CENPN: variants seen among roughly 807,000 people sequenced by gnomAD.
CENPN encodes the protein centromere protein N.
In CENPN, 36 loss-of-function variants were observed where a neutral mutation model predicts 48.6. The observed-to-expected ratio is 0.74, with a 90% CI of 0.57 to 0.98. The LOEUF (loss-of-function observed/expected upper bound fraction) is 0.98, where lower values mean the gene tolerates loss of function less well. Ranked by LOEUF, CENPN falls within the 50% of genes least tolerant of loss-of-function variation. The pLI, the probability that CENPN is intolerant of heterozygous loss-of-function variation, is 0.00. For missense variants in CENPN, 439 were observed against 399.2 expected (o/e 1.10, Z -0.85); for synonymous variants, 166 against 135.2 (o/e 1.23, Z -1.58).
chr16:81,018,632 C>T (rs1345786159), intron 5 of CENPN, among the ~76,000 whole-genome samples: 1 of 152,112 alleles, frequency 6.6e-6, no homozygotes, highest in Non-Finnish European at 1.5e-5. Context: ...CAGAATAAGA[C>T]AATCTTCCAT....
At chr16:81,011,342 T>C (rs12448368) in intron 1 of CENPN, among the ~76,000 whole-genome samples, 17,274 of 152,174 alleles carry the variant, frequency 0.11, 1,071 homozygotes, top group East Asian at 0.2. Flanking sequence ...ACTTTTAACA[T>C]AGTTTGTGAT....
At chr16:81,026,679 T>C (rs772208933) in intron 9 of CENPN, 41 bp downstream of exon 9, 1 of 1,018,420 alleles carries the variant, frequency 9.8e-7, no homozygotes, top group Non-Finnish European at 1.5e-6. Context: ...GATATCAACA[T>C]TGTTTAAAAA....
chr16:81,013,629 G>T (rs745534193), intron 2 of CENPN, among the ~76,000 whole-genome samples: 3 of 152,172 alleles, frequency 2.0e-5, no homozygotes, highest in East Asian at 3.8e-4. Flanking sequence ...GCTGAGGCAG[G>T]AGTATCACTT....
At chr16:81,025,730 T>C (rs1970439603) in intron 8 of CENPN, among the ~76,000 whole-genome samples, 1 of 138,348 alleles carries the variant, frequency 7.2e-6, no homozygotes, top group African/African-American at 2.9e-5. Flanking sequence ...TAAGACAGAG[T>C]CTCACTCTAT....
intron 8 of CENPN, among the ~76,000 whole-genome samples, chr16:81,026,185 GTATA>G (rs909980907): frequency 2.8e-5 from 4 of 141,334 alleles, no homozygotes; most frequent in African/African-American, 8.3e-5. Context: ...ATATGTGTGT[GTATA>G]TATATGTATA....
chr16:81,015,133 T>C (rs186618490), intron 3 of CENPN, among the ~76,000 whole-genome samples: 1 of 152,362 alleles, frequency 6.6e-6, no homozygotes, highest in East Asian at 1.9e-4. Flanking sequence ...TTTGAAAATA[T>C]CTTTCTGAAA....
In CENPN at chr16:81,028,247, A is replaced by T; in HGVS notation, c.887A>T (p.Lys296Met). Residue 296 changes from lysine (K) to methionine (M), a missense_variant, in exon 10 of 11, where the codon AAG becomes ATG. Coordinates refer to ENST00000305850, the MANE Select transcript of CENPN (RefSeq NM_001100624.3). ...GAAGAACCCCTCCGATGCCTAATAA[A>T]GTTCTCTAGCCCACATCTTCTGGAA... ...EREEPLRCLI[K>M]FSSPHLLEAL... 6.2e-7 allele frequency: 1 copy of T among 1,614,086 alleles called. No individual in the cohort carries two copies. The highest frequency in any genetic ancestry group is 2.2e-5 in the East Asian group (1 of 44,882).
At chr16:81,017,412 A>T in intron 4 of CENPN, 27 bp downstream of exon 4, 1 of 1,483,932 alleles carries the variant, frequency 6.7e-7, no homozygotes, top group South Asian at 1.1e-5. Flanking sequence ...ACAATTGAAT[A>T]TTTGATAGTT....
chr16:81,028,506 A>G, intron 10 of CENPN, 63 bp from the exon 11 acceptor site: 1 of 1,585,752 alleles, frequency 6.3e-7, no homozygotes, highest in Non-Finnish European at 8.5e-7. Flanking sequence ...AAACTGACTC[A>G]AATCCATCCT....
At chr16:81,014,238 T>C in intron 3 of CENPN, 57 bp downstream of exon 3, 1 of 1,482,774 alleles carries the variant, frequency 6.7e-7, no homozygotes, top group Non-Finnish European at 9.4e-7. Flanking sequence ...GAGGCAATTT[T>C]GTTTCTTTCT....
At chr16:81,031,515 G>A (rs1970776877), downstream of CENPN, 1 of 152,208 alleles carries the variant, frequency 6.6e-6, no homozygotes, top group African/African-American at 2.4e-5. Flanking sequence ...CCCCTTGGAT[G>A]ACATTAAATG....
chr16:81,025,852 GCCA>G (rs1970444563), intron 8 of CENPN, among the ~76,000 whole-genome samples: 1 of 151,574 alleles, frequency 6.6e-6, no homozygotes, highest in African/African-American at 2.4e-5. Context: ...ACAGGCGCCT[GCCA>G]CCACACCTGG....
intron 1 of CENPN, among the ~76,000 whole-genome samples, 156 bp from the exon 2 acceptor site, chr16:81,011,774 G>A (rs1007222514): frequency 4.6e-4 from 70 of 152,280 alleles, no homozygotes; most frequent in African/African-American, 1.6e-3. Flanking sequence ...AGGTTGAGGC[G>A]GGTGGATTGC....
At chr16:81,031,873 G>T (rs1282148025), downstream of CENPN, among the ~76,000 whole-genome samples, 1 of 152,166 alleles carries the variant, frequency 6.6e-6, no homozygotes, top group Non-Finnish European at 1.5e-5. Flanking sequence ...AAAGTGCTGG[G>T]ATTACAGGTG....
At chr16:81,032,655 C>T, downstream of CENPN, 1 of 1,611,818 alleles carries the variant, frequency 6.2e-7, no homozygotes, top group Non-Finnish European at 8.5e-7. Flanking sequence ...GGCAGAAGGA[C>T]TTGTACCTTC....
chr16:81,020,221 C>T lies in CENPN; in HGVS notation c.476C>T (p.Pro159Leu), dbSNP rs746494487. The T allele has an allele frequency of 6.8e-6, 11 of 1,613,974 alleles. No individual in the cohort carries two copies. Among genetic ancestry groups the T allele is most frequent in the Admixed American group, 1.7e-5 (1 of 59,978 alleles). Residue 159 changes from proline (P) to leucine (L), a missense_variant, in exon 6 of 11, where the codon CCG (proline) becomes CTG (leucine). By Grantham distance (98) the Pro-to-Leu change is moderately conservative. Transcript: ENST00000305850. ...PTYVVYYSQT[P>L]YAFTSSSMLR... Reference sequence around the variant, plus strand: ...TACGTGGTGTACTACTCCCAGACTCCGTACGCCTTCACGTCCTCCTCCATG... The same window carrying T: ...TACGTGGTGTACTACTCCCAGACTCTGTACGCCTTCACGTCCTCCTCCATG...
Position 81,029,445 on chromosome 16 carries a change from G to A in CENPN, c.*794G>A, listed in dbSNP as rs1243544943. On this transcript the variant is annotated 3_prime_UTR_variant, in exon 11 of 11. Coordinates refer to ENST00000305850, the MANE Select transcript of CENPN (RefSeq NM_001100624.3). ...GACAGGGTCTCACTGTGTCACCCAA[G>A]CTGGAGTGCAGTGGCATGATCATGG... 3.1e-6 allele frequency: 1 copy of A among 323,700 alleles called. No homozygotes were observed. The highest frequency in any genetic ancestry group is 4.4e-6 in the Non-Finnish European group (1 of 225,234). 20.1% of individuals were successfully genotyped at this position (323,700 alleles called of 1,614,324 possible).
At chr16:81,017,543 C>A (rs569180742) in intron 4 of CENPN, among the ~76,000 whole-genome samples, 158 bp downstream of exon 4, 24 of 152,128 alleles carry the variant, frequency 1.6e-4, no homozygotes, top group African/African-American at 5.3e-4. Flanking sequence ...TTCCTCATTT[C>A]TTTCAAAATG....
At chr16:81,014,260 G>T in intron 3 of CENPN, 79 bp downstream of exon 3, 1 of 1,223,364 alleles carries the variant, frequency 8.2e-7, no homozygotes, top group Non-Finnish European at 1.2e-6. Context: ...TGTGAGACAG[G>T]GTCTCCCTCT....
Sources: allele counts gnomAD v4.1 joint callset (sites outside exome capture counted in the v4.1 genomes callset), GRCh38; gene constraint gnomAD v4.1.1; transcripts MANE v1.5; gene names NCBI Gene and HGNC (gene_info 2026-07-23, HGNC 2026-07-21).